The following NRG3 variants were observed in gnomAD, a reference collection of about 807,000 sequenced individuals.
NRG3 encodes the protein neuregulin 3.
Under a neutral mutation model 66.9 loss-of-function variants are expected in NRG3, and 31 were observed. The ratio of observed to expected loss-of-function variants is 0.46; its 90% CI spans 0.35 to 0.63. The LOEUF is 0.63. Ranked by LOEUF, NRG3 falls within the 20% of genes least tolerant of loss-of-function variation. The pLI, the probability that NRG3 is intolerant of heterozygous loss-of-function variation, is 0.00. For missense variants in NRG3, 910 were observed against 878.9 expected (o/e 1.04, Z -0.45); for synonymous variants, 393 against 359.4 (o/e 1.09, Z -1.06).
intron 1 of NRG3, among the ~76,000 whole-genome samples, chr10:82,068,275 G>T (rs991757711): frequency 1.3e-5 from 2 of 152,118 alleles, no homozygotes; most frequent in African/African-American, 4.8e-5. Flanking sequence ...TATTTCTAAG[G>T]CCACTGCACG....
intron 2 of NRG3, among the ~76,000 whole-genome samples, chr10:82,549,806 T>G (rs1359618558): frequency 1.3e-5 from 2 of 151,924 alleles, no homozygotes; most frequent in Non-Finnish European, 2.9e-5. Context: ...AATAAGGTGA[T>G]GCTTGGGTGC....
At chr10:82,646,139 T>C (rs1036957141) in intron 2 of NRG3, among the ~76,000 whole-genome samples, 47 of 152,274 alleles carry the variant, frequency 3.1e-4, no homozygotes, top group Non-Finnish European at 5.3e-4. Context: ...GCTTGATCCT[T>C]GCTACCTCCT....
At chr10:82,632,616 C>T (rs996067724) in intron 2 of NRG3, among the ~76,000 whole-genome samples, 27 of 151,970 alleles carry the variant, frequency 1.8e-4, no homozygotes, top group Admixed American at 3.3e-4. Flanking sequence ...TGGTAATCTT[C>T]GCAAAAGAGA....
intron 3 of NRG3, among the ~76,000 whole-genome samples, chr10:82,803,734 G>C (rs1376827847): frequency 6.6e-6 from 1 of 152,112 alleles, no homozygotes; most frequent in Non-Finnish European, 1.5e-5. Flanking sequence ...TGTATTTTGA[G>C]TTATAAAATG....
At chr10:82,727,899 G>A (rs930830811) in intron 2 of NRG3, among the ~76,000 whole-genome samples, 25 of 152,170 alleles carry the variant, frequency 1.6e-4, no homozygotes, top group Admixed American at 4.6e-4. Context: ...ACATCATTGT[G>A]ACCCAGATGA....
chr10:82,892,998 C>G (rs902597736), intron 4 of NRG3, among the ~76,000 whole-genome samples: 3 of 151,906 alleles, frequency 2.0e-5, no homozygotes, highest in Non-Finnish European at 2.9e-5. Flanking sequence ...AAAAAACAAA[C>G]TTAAATATTT....
At chr10:82,949,367 A>T (rs541612695) in intron 4 of NRG3, among the ~76,000 whole-genome samples, 1 of 152,240 alleles carries the variant, frequency 6.6e-6, no homozygotes, top group East Asian at 1.9e-4. Flanking sequence ...TTTCGGAATC[A>T]TGATAATACT....
intron 2 of NRG3, among the ~76,000 whole-genome samples, chr10:82,400,299 A>G (rs1249666441): frequency 6.6e-6 from 1 of 152,184 alleles, no homozygotes; most frequent in Non-Finnish European, 1.5e-5. Context: ...TTATCCTCTC[A>G]GCATCCCTGG....
At chr10:82,167,704 A>C (rs2133051625) in intron 1 of NRG3, among the ~76,000 whole-genome samples, 1 of 152,178 alleles carries the variant, frequency 6.6e-6, no homozygotes, top group African/African-American at 2.4e-5. Context: ...TAAACTTGTG[A>C]TAAGCGTTTG....
intron 3 of NRG3, among the ~76,000 whole-genome samples, chr10:82,812,855 G>C (rs2135515599): frequency 6.6e-6 from 1 of 152,254 alleles, no homozygotes; most frequent in Admixed American, 6.5e-5. Context: ...CAAAAAATAT[G>C]TTTATTTCAA....
intron 3 of NRG3, among the ~76,000 whole-genome samples, chr10:82,792,465 A>G (rs555647886): frequency 1.3e-5 from 2 of 152,092 alleles, no homozygotes; most frequent in African/African-American, 4.8e-5. Context: ...TCTGTTCAAG[A>G]CTTTGAGTCT....
chr10:82,567,043 CCT>C (rs907475558), intron 2 of NRG3, among the ~76,000 whole-genome samples: 1 of 151,972 alleles, frequency 6.6e-6, no homozygotes, highest in Non-Finnish European at 1.5e-5. Context: ...GCTGTTTTCA[CCT>C]CTGTCTCCAC....
At chr10:82,197,078 C>A (rs1303622593) in intron 1 of NRG3, among the ~76,000 whole-genome samples, 6 of 152,090 alleles carry the variant, frequency 3.9e-5, no homozygotes, top group Non-Finnish European at 8.8e-5. Flanking sequence ...GTCTTGAAAG[C>A]AGATCAGGAA....
chr10:82,047,936 AGG>A (rs2063388294), intron 1 of NRG3, among the ~76,000 whole-genome samples: 1 of 152,098 alleles, frequency 6.6e-6, no homozygotes, highest in African/African-American at 2.4e-5. Context: ...AAAAAAAGGC[AGG>A]GGTTGCAATC....
At chr10:82,298,275 A>AGAGG (rs2080194481) in intron 1 of NRG3, among the ~76,000 whole-genome samples, 1 of 149,100 alleles carries the variant, frequency 6.7e-6, no homozygotes, top group African/African-American at 2.5e-5. Flanking sequence ...AGGAAGGGAG[A>AGAGG]GAGGGAGGAA....
chr10:81,884,532 TA>T (rs879600191), intron 1 of NRG3, among the ~76,000 whole-genome samples: 1 of 152,104 alleles, frequency 6.6e-6, no homozygotes, highest in African/African-American at 2.4e-5. Context: ...AAAATATATT[TA>T]AAAATAAAAA....
At chr10:81,990,137 T>A (rs1298490994) in intron 1 of NRG3, among the ~76,000 whole-genome samples, 1 of 152,204 alleles carries the variant, frequency 6.6e-6, no homozygotes, top group African/African-American at 2.4e-5. Context: ...TCCGTATCTT[T>A]ACTCTTTAGA....
intron 2 of NRG3, among the ~76,000 whole-genome samples, chr10:82,596,175 C>T (rs976476364): frequency 6.6e-6 from 1 of 152,146 alleles, no homozygotes; most frequent in Non-Finnish European, 1.5e-5. Context: ...CAGAGAGTCT[C>T]ATACAATCAG....
intron 1 of NRG3, among the ~76,000 whole-genome samples, chr10:82,022,935 A>G (rs886920320): frequency 6.6e-6 from 1 of 150,862 alleles, no homozygotes; most frequent in African/African-American, 2.4e-5. Context: ...TAAAAATTAT[A>G]TATATATTTA....
Sources: allele counts gnomAD v4.1 joint callset (sites outside exome capture counted in the v4.1 genomes callset), GRCh38; gene constraint gnomAD v4.1.1; transcripts MANE v1.5; gene names NCBI Gene and HGNC (gene_info 2026-07-23, HGNC 2026-07-21).